Variants in ANK2 observed in about 807,000 individuals in gnomAD.
ANK2 encodes the protein ankyrin 2.
ANK2 carries 83 observed loss-of-function variants against 360.5 expected under a neutral mutation model. That is an observed-to-expected ratio of 0.23 (90% confidence interval 0.19 to 0.28). The LOEUF (loss-of-function observed/expected upper bound fraction) is 0.28. Ranked by LOEUF, ANK2 falls within the 10% of genes least tolerant of loss-of-function variation. The pLI is 1.00. For synonymous variants in ANK2, 1,740 were observed against 1,759.5 expected (o/e 0.99, Z 0.28); for missense variants, 4,201 against 4,795.7 (o/e 0.88, Z 3.66).
At chr4:113,120,637 G>A (rs2095290657) in intron 1 of ANK2, among the ~76,000 whole-genome samples, 1 of 152,018 alleles carries the variant, frequency 6.6e-6, no homozygotes, top group Non-Finnish European at 1.5e-5. Context: ...TACATGTTCA[G>A]GATGTGCAGG....
intron 22 of ANK2, among the ~76,000 whole-genome samples, 166 bp from the exon 23 acceptor site, chr4:113,302,601 T>G (rs1043933421): frequency 6.6e-6 from 1 of 152,200 alleles, no homozygotes; most frequent in African/African-American, 2.4e-5. Context: ...AAAGAACAAA[T>G]GAGTTTTCAT....
At chr4:113,198,576 C>T (rs2098784032) in intron 3 of ANK2, among the ~76,000 whole-genome samples, 1 of 152,106 alleles carries the variant, frequency 6.6e-6, no homozygotes, top group Non-Finnish European at 1.5e-5. Flanking sequence ...TAACTATAAG[C>T]AGCTCGTTTC....
intron 1 of ANK2, among the ~76,000 whole-genome samples, chr4:113,053,366 T>G (rs980514359): frequency 6.6e-6 from 1 of 152,224 alleles, no homozygotes; most frequent in African/African-American, 2.4e-5. Flanking sequence ...CTTCATCTGA[T>G]ACTTCCAACA....
intron 2 of ANK2, among the ~76,000 whole-genome samples, chr4:112,912,469 A>G (rs569739003): frequency 6.6e-6 from 1 of 152,090 alleles, no homozygotes; most frequent in East Asian, 1.9e-4. Flanking sequence ...TCTAGTTGCC[A>G]TTTTTTGAGT....
rs756028840 is a variant in ANK2 at position 113,330,333 on chromosome 4, G to A, written c.2988G>A (p.Arg996=). 1.9e-6 allele frequency: 3 copies of A among 1,614,198 alleles called. No individual in the cohort carries two copies. The South Asian group carries it at 3.3e-5, about 18-fold the overall frequency. Residue 996 remains arginine, a synonymous_variant, in exon 27 of 46, where the codon CGG becomes CGA. Transcript: ENST00000357077. The part of the protein sequence containing the change: ...HNGLRIIIPP[R]KCTAPTRVTC... ...GGCTCCGAATCATTATTCCACCTCGGAAATGTACTGCTCCAACGCGAGTCA... is the reference window on the plus strand; with the variant it reads ...GGCTCCGAATCATTATTCCACCTCGAAAATGTACTGCTCCAACGCGAGTCA...
At chr4:112,849,972 G>T (rs997809803) in intron 1 of ANK2, among the ~76,000 whole-genome samples, 1 of 152,094 alleles carries the variant, frequency 6.6e-6, no homozygotes, top group African/African-American at 2.4e-5. Context: ...GTGAAGGAAG[G>T]GTGAATTCTC....
chr4:112,922,670 A>G (rs1217358229), intron 2 of ANK2, among the ~76,000 whole-genome samples: 1 of 152,238 alleles, frequency 6.6e-6, no homozygotes, highest in Non-Finnish European at 1.5e-5. Context: ...CAAAGATTTC[A>G]TATAGAGCTT....
chr4:113,148,850 C>A (rs1285958680), intron 1 of ANK2, among the ~76,000 whole-genome samples: 4 of 152,108 alleles, frequency 2.6e-5, no homozygotes, highest in Admixed American at 6.6e-5. Context: ...AAGAAGAGGA[C>A]GGATGGCAAT....
Position 112,935,073 on chromosome 4 carries a change from C to T in ANK2, c.21+30559C>T, listed in dbSNP as rs147303301. Among the ~76,000 whole-genome samples the T allele has an allele frequency of 2.4e-3, 361 of 151,776 alleles. 5 individuals are homozygous for T. Among genetic ancestry groups the T allele is most frequent in the African/African-American group, 8.4e-3 (347 of 41,354 alleles). ...AGGAGCACCAAAGCATTCACTGTGGCTGGAGTAGGTAAGCAAGGAGGAAGT... is the reference window on the plus strand; with the variant it reads ...AGGAGCACCAAAGCATTCACTGTGGTTGGAGTAGGTAAGCAAGGAGGAAGT... On this transcript the variant is annotated intron_variant, in intron 2 of 30. Transcript: ENST00000503271.
Position 112,933,697 on chromosome 4 carries a change from G to A in ANK2, c.21+29183G>A, listed in dbSNP as rs191428908. Among the ~76,000 whole-genome samples the A allele has an allele frequency of 2.6e-5, 4 of 152,076 alleles. No individual in the cohort carries two copies. The East Asian group carries it at 7.7e-4, about 29-fold the overall frequency. On this transcript the variant is annotated intron_variant, in intron 2 of 30. Coordinates refer to the ANK2 transcript ENST00000503271. ...GTATTTTTAATAGAGACGGGGTTTT[G>A]CCATGTTGGTCAGGCTGGTCTCGAA...
At chr4:112,767,486 A>G in the ANK2 span, among the ~76,000 whole-genome samples, 3 of 152,052 alleles carry the variant, frequency 2.0e-5, no homozygotes, top group African/African-American at 7.2e-5. Flanking sequence ...GCTTGAATGC[A>G]GGAGATCAAG....
At chr4:112,894,824 A>G (rs1313227992) in intron 1 of ANK2, among the ~76,000 whole-genome samples, 1 of 152,238 alleles carries the variant, frequency 6.6e-6, no homozygotes, top group African/African-American at 2.4e-5. Flanking sequence ...AGTCACATCA[A>G]TGAAACATGC....
At chr4:113,153,043 G>A (rs907365613) in intron 1 of ANK2, among the ~76,000 whole-genome samples, 1 of 152,062 alleles carries the variant, frequency 6.6e-6, no homozygotes, top group African/African-American at 2.4e-5. Context: ...CTGTGTTTTT[G>A]ATGAGTTTAA....
Position 112,822,498 on chromosome 4 carries a change from C to T in ANK2, c.-40+4234C>T, listed in dbSNP as rs570984510. On this transcript the variant is annotated intron_variant, in intron 1 of 30. Coordinates refer to the ANK2 transcript ENST00000503271. ...AGTAGCTCATGCCTGTAAATTCCAG[C>T]ACTTTGGGAGGCCGAGGTGGGCAGA... Among the ~76,000 whole-genome samples, 54 of 151,210 alleles carry T rather than the reference C, an allele frequency of 3.6e-4. No individual in the cohort carries two copies. In the South Asian group the frequency reaches 0.011, roughly 31 times the overall value.
intron 4 of ANK2, among the ~76,000 whole-genome samples, chr4:113,222,466 GGCTCACCGCAACCTCT>G (rs1223256107): frequency 6.7e-6 from 1 of 148,500 alleles, no homozygotes; most frequent in East Asian, 2.0e-4. Flanking sequence ...GTGCAACCTC[GGCTCACCGCAACCTCT>G]GCTTCCTTGG....
chr4:112,734,386 C>T, the ANK2 span, among the ~76,000 whole-genome samples: 1 of 152,190 alleles, frequency 6.6e-6, no homozygotes, highest in African/African-American at 2.4e-5. Context: ...GCTATTCCCT[C>T]TTTCTAGTTA....
intron 45 of ANK2, among the ~76,000 whole-genome samples, chr4:113,375,281 GAAAT>G (rs2096884648): frequency 2.0e-5 from 3 of 152,142 alleles, no homozygotes; most frequent in Admixed American, 2.0e-4. Context: ...ATAAGGGAAA[GAAAT>G]AAAGACATTG....
chr4:113,242,037 G>T, intron 8 of ANK2, 74 bp from the exon 9 acceptor site: 1 of 1,174,702 alleles, frequency 8.5e-7, no homozygotes, highest in Non-Finnish European at 1.3e-6. Flanking sequence ...TTCCTTTGTG[G>T]CCTTTAACAC....
chr4:113,345,584 G>C (rs145040412), intron 34 of ANK2, among the ~76,000 whole-genome samples: 1 of 152,080 alleles, frequency 6.6e-6, no homozygotes, highest in African/African-American at 2.4e-5. Flanking sequence ...CACAAAAAAG[G>C]GGGATGAGGT....
Sources: gnomAD v4.1 joint callset for allele counts (sites outside exome capture counted in the v4.1 genomes callset) on GRCh38, gnomAD v4.1.1 for gene constraint, MANE v1.5 for transcripts, NCBI Gene and HGNC (gene_info 2026-07-23, HGNC 2026-07-21) for gene names.